Variants in LRRC41 observed in about 807,000 individuals in gnomAD.
LRRC41 encodes leucine rich repeat containing 41.
A neutral mutation model predicts 72.1 loss-of-function variants in LRRC41; 17 were observed. The observed-to-expected ratio is 0.24, with a 90% confidence interval of 0.16 to 0.35. The LOEUF (loss-of-function observed/expected upper bound fraction) is 0.35. LRRC41 is among the 10% of genes least tolerant of loss of function. LRRC41 has a pLI of 1.00. For missense variants in LRRC41, 759 were observed against 1,065.0 expected, an observed-to-expected ratio of 0.71 and a Z score of 4.00; for synonymous variants, 427 against 431.0, an observed-to-expected ratio of 0.99 and a Z score of 0.11.
chr1:46,302,205 A>G lies in LRRC41; in HGVS notation c.199+919T>C. 4 of 985,036 alleles carry G rather than the reference A, an allele frequency of 4.1e-6. No homozygotes were observed. Among genetic ancestry groups the G allele is most frequent in the Non-Finnish European group, 4.8e-6 (4 of 829,810 alleles). 61.0% of individuals were successfully genotyped at this position (985,036 alleles called of 1,614,324 possible). ...CCCCCGTTCACTCCCATTCAGCCCAAGGCCTCTTGGCGGCGCCGCGCCCCC... is the reference window on the plus strand; with the variant it reads ...CCCCCGTTCACTCCCATTCAGCCCAGGGCCTCTTGGCGGCGCCGCGCCCCC... On this transcript the variant is annotated intron_variant, in intron 1 of 9. Transcript: ENST00000617190. This position sits in a 1 kb window ranked among gnomAD's most constrained non-coding sequence, Gnocchi z 4.7.
intron 1 of LRRC41, among the ~76,000 whole-genome samples, chr1:46,301,190 T>G (rs1313487745): frequency 6.6e-6 from 1 of 151,996 alleles, no homozygotes; most frequent in Non-Finnish European, 1.5e-5. Flanking sequence ...ACCCACAAAC[T>G]CCTCTCTTCC....
rs926821094 is a variant in LRRC41, at chr1:46,302,338, C to T, written c.199+786G>A. ...TCGAGCCTCCCTCGCTTGTTTAAGCCGCTCCGGGCCCCCCTCCACTCGCTC... is the reference window on the plus strand; with the variant it reads ...TCGAGCCTCCCTCGCTTGTTTAAGCTGCTCCGGGCCCCCCTCCACTCGCTC... On this transcript the variant is annotated intron_variant, in intron 1 of 9. Transcript: ENST00000617190. The surrounding 1 kb of genome is among the most constrained non-coding windows in gnomAD (Gnocchi z 4.7). 8 of 985,260 alleles carry T rather than the reference C, an allele frequency of 8.1e-6. No homozygotes were observed. In the African/African-American group the frequency reaches 8.7e-5, roughly 11 times the overall value. 61.0% of individuals were successfully genotyped at this position (985,260 alleles called of 1,614,324 possible).
At chr1:46,297,990 A>C (rs1661157055) in intron 2 of LRRC41, among the ~76,000 whole-genome samples, 1 of 152,190 alleles carries the variant, frequency 6.6e-6, no homozygotes, top group Admixed American at 6.5e-5. Context: ...GTGTCTAATG[A>C]GGGGAGGAAG....
Position 46,302,923 on chromosome 1 carries a change from G to C in LRRC41, c.199+201C>G. The C allele has an allele frequency of 1.0e-6, 1 of 983,312 alleles. No homozygotes were observed. The allele number at this position is 983,312 out of a possible 1,614,324, so 60.9% of individuals were successfully genotyped here. A position where few individuals can be genotyped will look rare whatever the true frequency, so the allele number is the denominator to read the frequency against. ...GCCCCCGAGCCAGGCCGCGGTGCGG[G>C]TCAGCCTGCCCATTTAGGTCTCCGT... On this transcript the variant is annotated intron_variant, in intron 1 of 9. Transcript: ENST00000617190. The surrounding 1 kb of genome is among the most constrained non-coding windows in gnomAD (Gnocchi z 4.7).
At chr1:46,291,124 C>T (rs1266250487) in intron 3 of LRRC41, among the ~76,000 whole-genome samples, 1 of 151,644 alleles carries the variant, frequency 6.6e-6, no homozygotes, top group African/African-American at 2.4e-5. Context: ...GGGGTTTCGC[C>T]ATGTTGGCCA....
Position 46,302,759 on chromosome 1 carries a change from C to T in LRRC41, c.199+365G>A. 1.0e-6 allele frequency: 1 copy of T among 985,284 alleles called. No individual in the cohort carries two copies. The highest frequency in any genetic ancestry group is 1.2e-6 in the Non-Finnish European group (1 of 829,844). The allele number at this position is 985,284 out of a possible 1,614,324, so 61.0% of individuals were successfully genotyped here. On this transcript the variant is annotated intron_variant, in intron 1 of 9. Coordinates refer to ENST00000617190, the MANE Select transcript of LRRC41 (RefSeq NM_006369.5). This position sits in a 1 kb window ranked among gnomAD's most constrained non-coding sequence, Gnocchi z 4.7. ...CCTAGGGCAGCCGGGCCATCGCTGC[C>T]CACCGGTTCGACATCCGAGACTCTC... is the stretch of plus-strand genomic sequence containing the variant.
At chr1:46,290,590 T>C (rs1336221753) in intron 3 of LRRC41, among the ~76,000 whole-genome samples, 1 of 152,068 alleles carries the variant, frequency 6.6e-6, no homozygotes, top group Non-Finnish European at 1.5e-5. Context: ...ATACTTGCTG[T>C]ATTTAATATT....
intron 1 of LRRC41, chr1:46,301,853 G>A (rs916972733): frequency 1.9e-5 from 11 of 579,602 alleles, no homozygotes. Flanking sequence ...GGCCTCGGCC[G>A]GGCCTGCCAC....
At chr1:46,295,451 C>A (rs544918416) in intron 3 of LRRC41, among the ~76,000 whole-genome samples, 8 of 152,268 alleles carry the variant, frequency 5.3e-5, no homozygotes, top group African/African-American at 1.7e-4. Flanking sequence ...ACCATTGTAT[C>A]CCTGGAACCT....
chr1:46,303,525 T>G lies in LRRC41; in HGVS notation c.-203A>C. On this transcript the variant is annotated 5_prime_UTR_variant, in exon 1 of 10. Transcript: ENST00000617190. ...AGATCAATTATACTTGGGTGTGGTATGACTAAGGGGATGTTTCTTAGCAAA... is the reference window on the plus strand; with the variant it reads ...AGATCAATTATACTTGGGTGTGGTAGGACTAAGGGGATGTTTCTTAGCAAA... 1.4e-6 allele frequency: 1 copy of G among 736,728 alleles called. No homozygotes were observed. The highest frequency in any genetic ancestry group is 2.7e-5 in the East Asian group (1 of 36,822). 45.6% of individuals were successfully genotyped at this position (736,728 alleles called of 1,614,324 possible).
At chr1:46,290,916 GTTTTTTTTTTTTTT>G (rs71062750) in intron 3 of LRRC41, among the ~76,000 whole-genome samples, 13 of 65,726 alleles carry the variant, frequency 2.0e-4, no homozygotes, top group Admixed American at 4.1e-4. Flanking sequence ...CCTGTTTCTA[GTTTTTTTTTTTTTT>G]TTTTTTTTTT....
Position 46,279,716 on chromosome 1 carries a change from C to T in LRRC41, c.2021-102G>A, listed in dbSNP as rs1660729600. The T allele has an allele frequency of 1.5e-6, 2 of 1,371,290 alleles. No homozygotes were observed. The highest frequency in any genetic ancestry group is 2.0e-6 in the Non-Finnish European group (2 of 991,304). 84.9% of individuals were successfully genotyped at this position (1,371,290 alleles called of 1,614,324 possible). On this transcript the variant is annotated intron_variant, in intron 7 of 9. Transcript: ENST00000617190. This position sits in a 1 kb window ranked among gnomAD's most constrained non-coding sequence, Gnocchi z 4.5. ...GCAAGGGGTATTAACATTATAGAGG[C>T]CCAAAAAGAGGAAGGAATTTGTCTA... is the stretch of plus-strand genomic sequence containing the variant.
rs758372571 is a variant in LRRC41 at position 46,285,399 on chromosome 1, G to A, written c.1458C>T (p.Ser486=). The change falls in exon 4 of 10, where the codon TCC becomes TCT. Residue 486 remains serine, a synonymous_variant. Transcript: ENST00000617190. The surrounding 1 kb of genome is among the most constrained non-coding windows in gnomAD (Gnocchi z 5.3). ...GTGTGAGGCTCTCCAGTGACACCCA[G>A]GAGCTCAGCAGGTGGCATAGTGTCA... ...AALTLCHLLS[S]WVSLESLTLS... is the part of the protein sequence containing the mutation. 1 of 1,614,156 alleles carries A rather than the reference G, an allele frequency of 6.2e-7. No individual in the cohort carries two copies. The highest frequency in any genetic ancestry group is 1.1e-5 in the South Asian group (1 of 91,062).
chr1:46,289,279 T>C (rs1342285565), intron 3 of LRRC41, among the ~76,000 whole-genome samples: 1 of 152,186 alleles, frequency 6.6e-6, no homozygotes, highest in Admixed American at 6.5e-5. Context: ...AACTGTAATT[T>C]AGGCAAGTCA....
Position 46,278,309 on chromosome 1 carries a change from T to C in LRRC41, c.*556A>G, listed in dbSNP as rs1453482088. ...AACCAGCTGGTCTGGGTGTAGCTCT[T>C]AGAGGAAGGAGATAGGGAAAAGGGG... On this transcript the variant is annotated 3_prime_UTR_variant, in exon 10 of 10. Transcript: ENST00000617190. The C allele has an allele frequency of 6.3e-7, 1 of 1,590,104 alleles. No homozygotes were observed.
At position 46,285,206 on chromosome 1, in the gene LRRC41, G is replaced by T; in HGVS notation, c.1495+156C>A. On this transcript the variant is annotated intron_variant, in intron 4 of 9. Transcript: ENST00000617190. This position sits in a 1 kb window ranked among gnomAD's most constrained non-coding sequence, Gnocchi z 5.3. ...ATAGACTTTATGTTCCTCTCTTCTAGCAATGACAGTCTCCCCTGCTATGAG... is the reference window on the plus strand; with the variant it reads ...ATAGACTTTATGTTCCTCTCTTCTATCAATGACAGTCTCCCCTGCTATGAG... 2 of 702,928 alleles carry T rather than the reference G, an allele frequency of 2.8e-6. No individual in the cohort carries two copies. The highest frequency in any genetic ancestry group is 1.8e-5 in the African/African-American group (1 of 56,098). 43.5% of individuals were successfully genotyped at this position (702,928 alleles called of 1,614,324 possible).
In LRRC41 at chr1:46,277,685, TG is replaced by T; in HGVS notation, c.*1179del. The T allele has an allele frequency of 9.6e-7, 1 of 1,039,786 alleles. No individual in the cohort carries two copies. Among genetic ancestry groups the T allele is most frequent in the Non-Finnish European group, 1.5e-6 (1 of 683,682 alleles). 64.4% of individuals were successfully genotyped at this position (1,039,786 alleles called of 1,614,324 possible). A position where few individuals can be genotyped will look rare whatever the true frequency, so the allele number is the denominator to read the frequency against. On this transcript the variant is annotated 3_prime_UTR_variant, in exon 10 of 10. Coordinates refer to ENST00000617190, the MANE Select transcript of LRRC41 (RefSeq NM_006369.5). ...CCTCAGCTGAGTAGAGATAATGTTC[TG>T]GGACTCATACTTTTTATTCATCTCC...
rs751017645 is a variant in LRRC41 at position 46,285,926 on chromosome 1, T to C, written c.931A>G (p.Lys311Glu). The C allele has an allele frequency of 6.5e-7, 1 of 1,538,140 alleles. No homozygotes were observed. Among genetic ancestry groups the C allele is most frequent in the Non-Finnish European group, 8.7e-7 (1 of 1,144,664 alleles). The change falls in exon 4 of 10, where the codon AAG (lysine) becomes GAG (glutamate). Residue 311 changes from lysine to glutamate, a missense_variant. By Grantham distance (56) the Lys-to-Glu change is moderately conservative (BLOSUM62 1). Around this residue, in one of 4 missense-constraint regions of LRRC41, gnomAD observed 427 missense variants for 520.9 expected, o/e 0.82. Transcript: ENST00000617190. The surrounding 1 kb of genome is among the most constrained non-coding windows in gnomAD (Gnocchi z 5.3). ...GCAGGTGCAGCTCTGGGCATCTGCT[T>C]GGCTTCACTCTTACGCCGGCTGGCC... ...LMASRRKSEAKQMPRAAPATR... is the reference protein window; with the variant it reads ...LMASRRKSEAEQMPRAAPATR...
Position 46,303,513 on chromosome 1 carries a change from T to G in LRRC41, c.-191A>C, listed in dbSNP as rs970720797. On this transcript the variant is annotated 5_prime_UTR_variant, in exon 1 of 10. Coordinates refer to ENST00000617190, the MANE Select transcript of LRRC41 (RefSeq NM_006369.5). ...AGATAAACTCCTAGATCAATTATAC[T>G]TGGGTGTGGTATGACTAAGGGGATG... The G allele has an allele frequency of 4.3e-5, 32 of 737,078 alleles. No homozygotes were observed. The African/African-American group carries it at 5.5e-4, about 13-fold the overall frequency. The allele number at this position is 737,078 out of a possible 1,614,324, so 45.7% of individuals were successfully genotyped here. A position where few individuals can be genotyped will look rare whatever the true frequency, so the allele number is the denominator to read the frequency against.
Sources: allele counts gnomAD v4.1 joint callset (sites outside exome capture counted in the v4.1 genomes callset), GRCh38; gene constraint gnomAD v4.1.1; regional missense constraint gnomAD v4.1.1; non-coding constraint Gnocchi (gnomAD v3.1); transcripts MANE v1.5; gene names NCBI Gene and HGNC (gene_info 2026-07-23, HGNC 2026-07-21).